The following ZDHHC6 variants were observed in gnomAD, a reference collection of about 807,000 sequenced individuals.
ZDHHC6 encodes zDHHC palmitoyltransferase 6, also known as palmitoyltransferase ZDHHC6.
ZDHHC6 carries 32 observed loss-of-function variants against 57.8 expected under a neutral mutation model. That is an observed-to-expected ratio of 0.55 (90% CI 0.42 to 0.74). ZDHHC6 has a LOEUF of 0.74. Among genes scored for constraint, ZDHHC6 ranks in the 30% least tolerant of loss-of-function variants. ZDHHC6 has a pLI of 0.00. For synonymous variants in ZDHHC6, 128 were observed against 158.0 expected, an observed-to-expected ratio of 0.81 and a Z score of 1.42; for missense variants, 433 against 500.7, an observed-to-expected ratio of 0.86 and a Z score of 1.29.
intron 1 of ZDHHC6, among the ~76,000 whole-genome samples, chr10:112,445,965 T>C (rs1365658997): frequency 1.3e-5 from 2 of 152,204 alleles, no homozygotes; most frequent in Non-Finnish European, 2.9e-5. Context: ...TTTTAGGACC[T>C]TAGAGTTGAT....
chr10:112,445,198 G>A lies in ZDHHC6; in HGVS notation c.239C>T (p.Pro80Leu), dbSNP rs374360914. The change falls in exon 2 of 11, where the codon CCG (proline) becomes CTG (leucine). Residue 80 changes from proline to leucine, a missense_variant. Physicochemically the swap from Pro to Leu is moderately conservative, Grantham distance 98 (BLOSUM62 -3). Coordinates refer to ENST00000369405, the MANE Select transcript of ZDHHC6 (RefSeq NM_022494.3). ...TTTCCACCCCAGAGGGACAAAGCCCGGACCGACAAACATGGCATTGAAGTA... is the reference window on the plus strand; with the variant it reads ...TTTCCACCCCAGAGGGACAAAGCCCAGACCGACAAACATGGCATTGAAGTA... ...YNYFNAMFVG[P>L]GFVPLGWKPE... is the part of the protein sequence containing the mutation. 3.7e-5 allele frequency: 60 copies of A among 1,613,638 alleles called. No individual in the cohort carries two copies. The highest frequency in any genetic ancestry group is 4.2e-5 in the Non-Finnish European group (50 of 1,179,724).
downstream of ZDHHC6, among the ~76,000 whole-genome samples, chr10:112,427,015 C>A (rs1844752456): frequency 6.6e-6 from 1 of 152,146 alleles, no homozygotes; most frequent in African/African-American, 2.4e-5. Context: ...TTGTACAGCG[C>A]CCTTTTTTTG....
In ZDHHC6 at chr10:112,446,862, C is replaced by G; in HGVS notation, c.-372G>C. ...ACCCTGGCAGCGAGAGGCTGGAGTG[C>G]GGGACCTGCTACAAGCCGAGCACCT... On this transcript the variant is annotated 5_prime_UTR_variant, in exon 1 of 11. Transcript: ENST00000369405. The G allele has an allele frequency of 2.2e-5, 4 of 180,906 alleles. No homozygotes were observed. Among genetic ancestry groups the G allele is most frequent in the South Asian group, 3.6e-4 (2 of 5,600 alleles). 11.2% of individuals were successfully genotyped at this position (180,906 alleles called of 1,614,324 possible).
At position 112,430,595 on chromosome 10, in the gene ZDHHC6, G is replaced by A. The variant is rs183302243; in HGVS notation, c.*209C>T. 1.5e-3 allele frequency: 650 copies of A among 423,742 alleles called. 2 individuals carry two copies. The highest frequency in any genetic ancestry group is 2.4e-3 in the Non-Finnish European group (575 of 238,300). The allele number at this position is 423,742 out of a possible 1,614,324, so 26.2% of individuals were successfully genotyped here. On this transcript the variant is annotated 3_prime_UTR_variant, in exon 11 of 11. Transcript: ENST00000369405. ...TTTTTCCTTTGAGGGGGAGGAAGAG[G>A]TGGTAAAGAGGGGCAGGAATTCAAA...
intron 4 of ZDHHC6, among the ~76,000 whole-genome samples, chr10:112,441,777 G>A (rs989646402): frequency 6.6e-6 from 1 of 152,136 alleles, no homozygotes; most frequent in African/African-American, 2.4e-5. Flanking sequence ...TATATTTTAT[G>A]GTATGCATCT....
chr10:112,436,453 G>C (rs981099644), intron 6 of ZDHHC6, among the ~76,000 whole-genome samples: 2 of 152,204 alleles, frequency 1.3e-5, no homozygotes, highest in Admixed American at 1.3e-4. Flanking sequence ...TCCAGCCTGG[G>C]CAACAGAGCG....
downstream of ZDHHC6, chr10:112,427,638 C>A (rs2133702897): frequency 4.2e-6 from 1 of 235,544 alleles, no homozygotes; most frequent in Middle Eastern, 1.4e-3. Context: ...TGTTCTGTGT[C>A]CTTCCTCATG....
At chr10:112,434,491 C>G (rs1414260547) in intron 6 of ZDHHC6, 27 bp from the exon 7 acceptor site, 4 of 1,596,266 alleles carry the variant, frequency 2.5e-6, no homozygotes, top group Non-Finnish European at 3.4e-6. Flanking sequence ...TATAAGATGG[C>G]AGGTGCCTCT....
At chr10:112,438,192 G>A in intron 6 of ZDHHC6, 144 bp downstream of exon 6, 2 of 486,342 alleles carry the variant, frequency 4.1e-6, no homozygotes, top group Non-Finnish European at 6.6e-6. Flanking sequence ...AATGACTTAC[G>A]GTAGCCATTT....
At chr10:112,429,544 C>A (rs1328287775), downstream of ZDHHC6, among the ~76,000 whole-genome samples, 1 of 152,164 alleles carries the variant, frequency 6.6e-6, no homozygotes, top group Non-Finnish European at 1.5e-5. Flanking sequence ...GCCTGGCCCC[C>A]AAAGCTTCAC....
downstream of ZDHHC6, chr10:112,428,503 TA>T (rs1183797897): frequency 2.5e-6 from 1 of 398,076 alleles, no homozygotes; most frequent in African/African-American, 2.1e-5. Flanking sequence ...CTAGGAAGTT[TA>T]AAAAGACACT....
At chr10:112,427,506 C>A, downstream of ZDHHC6, 1 of 644,122 alleles carries the variant, frequency 1.6e-6, no homozygotes, top group Non-Finnish European at 2.4e-6. Context: ...TATATTGAGA[C>A]ATATAATGTG....
downstream of ZDHHC6, chr10:112,427,672 T>G (rs1329248622): frequency 5.4e-6 from 1 of 184,754 alleles, no homozygotes; most frequent in Non-Finnish European, 1.1e-5. Context: ...ATACTATTAG[T>G]AACCACAAGT....
At chr10:112,441,431 A>C (rs1310656680) in intron 4 of ZDHHC6, among the ~76,000 whole-genome samples, 2 of 152,260 alleles carry the variant, frequency 1.3e-5, no homozygotes, top group African/African-American at 4.8e-5. Flanking sequence ...AAGAACTGAT[A>C]AAATGCAGGC....
At chr10:112,430,077 C>T (rs895243756), downstream of ZDHHC6, among the ~76,000 whole-genome samples, 3 of 152,212 alleles carry the variant, frequency 2.0e-5, no homozygotes, top group East Asian at 1.9e-4. Context: ...CTGCCTATCA[C>T]GGCTCCCCCT....
intron 10 of ZDHHC6, among the ~76,000 whole-genome samples, chr10:112,431,610 G>T (rs557576870): frequency 6.6e-6 from 1 of 151,908 alleles, no homozygotes; most frequent in Non-Finnish European, 1.5e-5. Flanking sequence ...CACCACACCT[G>T]GCCTAACATA....
Position 112,433,296 on chromosome 10 carries a change from TAAA to T in ZDHHC6, c.904-18_904-16del. ...AACTGTTCTATCTGTTTGGAAGAAA[TAAA>T]AAGAAAAAAATGAAGTCTCTTGTCT... On this transcript the variant is annotated splice_polypyrimidine_tract_variant and intron_variant, in intron 7 of 10. Transcript: ENST00000369405. 6.4e-7 allele frequency: 1 copy of T among 1,551,572 alleles called. No individual in the cohort carries two copies. Among genetic ancestry groups the T allele is most frequent in the Non-Finnish European group, 8.7e-7 (1 of 1,152,340 alleles).
intron 10 of ZDHHC6, 63 bp from the exon 11 acceptor site, chr10:112,430,970 C>T (rs1216975487): frequency 1.5e-6 from 2 of 1,359,990 alleles, no homozygotes; most frequent in Non-Finnish European, 2.1e-6. Context: ...TTACTGAAAG[C>T]AGTAAGTCCT....
rs1490782484 is a variant in ZDHHC6 at position 112,443,530 on chromosome 10, C to G, written c.344G>C (p.Cys115Ser). Residue 115 changes from cysteine (C) to serine (S), a missense_variant, in exon 3 of 11, where the codon TGC becomes TCC. Physicochemically the swap from Cys to Ser is moderately radical, Grantham distance 112 (BLOSUM62 -1). Coordinates refer to ENST00000369405, the MANE Select transcript of ZDHHC6 (RefSeq NM_022494.3). ...AGACAGGTACCTGTTACACTTTCTG[C>G]AGTGATGTGAACGTGGTGCCTTGTA... ...QAYKAPRSHH[C>S]RKCNRCVMKM... The G allele has an allele frequency of 1.2e-6, 2 of 1,613,828 alleles. No individual in the cohort carries two copies. The highest frequency in any genetic ancestry group is 2.2e-5 in the South Asian group (2 of 91,042).
Sources: allele counts gnomAD v4.1 joint callset (sites outside exome capture counted in the v4.1 genomes callset), GRCh38; gene constraint gnomAD v4.1.1; transcripts MANE v1.5; gene names NCBI Gene and HGNC (gene_info 2026-07-23, HGNC 2026-07-21).